The following VPS13A variants were observed in gnomAD, a reference collection of about 807,000 sequenced individuals.
VPS13A encodes intermembrane lipid transfer protein VPS13A.
VPS13A carries 264 observed loss-of-function variants against 390.9 expected under a neutral mutation model. That is an observed-to-expected ratio of 0.68 (90% CI 0.61 to 0.75). VPS13A has a LOEUF of 0.75. VPS13A is among the 30% of genes least tolerant of loss of function. VPS13A has a pLI of 0.00. For missense variants in VPS13A, 3,409 were observed against 3,733.9 expected (o/e 0.91, Z 2.27); for synonymous variants, 1,231 against 1,227.1 (o/e 1.00, Z -0.07).
At chr9:77,210,744 T>G (rs1171782362) in intron 7 of VPS13A, 69 bp downstream of exon 7, 49 of 1,483,818 alleles carry the variant, frequency 3.3e-5, no homozygotes, top group Non-Finnish European at 4.4e-5. Context: ...TGCTACTATT[T>G]GTATATGCCA....
rs17337881 is a variant in VPS13A, at chr9:77,252,166, A to C, written c.2171-69A>C. 109,994 of 1,224,010 alleles carry C rather than the reference A, an allele frequency of 0.09. 5,476 individuals carry two copies. Among genetic ancestry groups the C allele is most frequent in the East Asian group, 0.15 (6,632 of 42,998 alleles). The allele number at this position is 1,224,010 out of a possible 1,614,324, so 75.8% of individuals were successfully genotyped here. A position where few individuals can be genotyped will look rare whatever the true frequency, so the allele number is the denominator to read the frequency against. On this transcript the variant is annotated intron_variant, in intron 21 of 71. Transcript: ENST00000360280. ...CATATAATGGAATGTGTGACTATGA[A>C]GTATTAATAGTTATTTTAGGTTTTG...
intron 5 of VPS13A, 89 bp downstream of exon 5, chr9:77,206,168 A>G: frequency 1.1e-6 from 1 of 938,488 alleles, no homozygotes; most frequent in Non-Finnish European, 1.6e-6. Flanking sequence ...TTCTCTGGAG[A>G]TGCTGAGATT....
chr9:77,236,401 G>A (rs1006990895), intron 17 of VPS13A, among the ~76,000 whole-genome samples: 4 of 152,068 alleles, frequency 2.6e-5, no homozygotes, highest in South Asian at 4.1e-4. Context: ...GTACATTTTT[G>A]TTTAAAACTT....
At chr9:77,284,154 A>T (rs1339363930) in intron 31 of VPS13A, among the ~76,000 whole-genome samples, 1 of 152,136 alleles carries the variant, frequency 6.6e-6, no homozygotes, top group East Asian at 1.9e-4. Flanking sequence ...AGGTTAGGTA[A>T]TTTGTTACTG....
At chr9:77,218,330 G>T (rs1822982605) in intron 10 of VPS13A, among the ~76,000 whole-genome samples, 1 of 151,904 alleles carries the variant, frequency 6.6e-6, no homozygotes, top group Admixed American at 6.6e-5. Flanking sequence ...AGCCAGGATG[G>T]TCTCAATCTT....
At chr9:77,374,654 G>A (rs1329998252) in intron 67 of VPS13A, among the ~76,000 whole-genome samples, 6 of 152,130 alleles carry the variant, frequency 3.9e-5, no homozygotes, top group Non-Finnish European at 8.8e-5. Context: ...GTGGATAAGC[G>A]GATACTAGTG....
chr9:77,382,298 G>A, intron 68 of VPS13A: 1 of 1,535,166 alleles, frequency 6.5e-7, no homozygotes, highest in South Asian at 1.3e-5. Context: ...AGTTTGATAT[G>A]AAAAGTTAAT....
intron 1 of VPS13A, among the ~76,000 whole-genome samples, chr9:77,178,961 G>A (rs1366851073): frequency 6.6e-6 from 1 of 152,174 alleles, no homozygotes; most frequent in African/African-American, 2.4e-5. Context: ...TGTTACTACC[G>A]TGGGGACCTA....
At chr9:77,342,749 A>T (rs931702405) in intron 50 of VPS13A, among the ~76,000 whole-genome samples, 3 of 152,196 alleles carry the variant, frequency 2.0e-5, no homozygotes, top group African/African-American at 7.2e-5. Flanking sequence ...CCAGAATGTG[A>T]AACACTTCTG....
intron 17 of VPS13A, 39 bp from the exon 18 acceptor site, chr9:77,237,963 T>C (rs1345254547): frequency 1.4e-6 from 2 of 1,473,738 alleles, no homozygotes; most frequent in South Asian, 2.4e-5. Flanking sequence ...CTTCACAATT[T>C]TACTGATCGC....
intron 2 of VPS13A, among the ~76,000 whole-genome samples, chr9:77,200,929 C>G (rs753983776): frequency 1.3e-5 from 2 of 152,070 alleles, no homozygotes; most frequent in Non-Finnish European, 2.9e-5. Flanking sequence ...ATCTAGTTTT[C>G]CTAGCACCAT....
intron 19 of VPS13A, 56 bp downstream of exon 19, chr9:77,238,442 T>C: frequency 8.0e-7 from 1 of 1,250,766 alleles, no homozygotes; most frequent in East Asian, 2.4e-5. Context: ...ATTAAACTTT[T>C]ATTTATGGTA....
chr9:77,366,362 A>G (rs976977185), intron 60 of VPS13A, among the ~76,000 whole-genome samples: 3 of 152,140 alleles, frequency 2.0e-5, no homozygotes, highest in Non-Finnish European at 4.4e-5. Context: ...TTGAAAAATC[A>G]TAAGTGAAAC....
At position 77,318,334 on chromosome 9, in the gene VPS13A, T is replaced by G; in HGVS notation, c.5056T>G (p.Leu1686Val). 6.2e-7 allele frequency: 1 copy of G among 1,613,144 alleles called. No homozygotes were observed. Among genetic ancestry groups the G allele is most frequent in the Non-Finnish European group, 8.5e-7 (1 of 1,179,782 alleles). ...AGAAACGGCTTCTTCTACTGCACATTTATGGGAAAAGAAGGATACAAAGAC... is the reference window on the plus strand; with the variant it reads ...AGAAACGGCTTCTTCTACTGCACATGTATGGGAAAAGAAGGATACAAAGAC... ...PEETASSTAH[L>V]WEKKDTKTLK... Residue 1686 changes from leucine (L) to valine (V), a missense_variant, in exon 41 of 72, where the codon TTA (leucine) becomes GTA (valine). Leu to Val is a conservative substitution (Grantham distance 32). Around this residue, in one of 5 missense-constraint regions of VPS13A, gnomAD observed 2,717 missense variants for 2,917.4 expected, o/e 0.93. Coordinates refer to ENST00000360280, the MANE Select transcript of VPS13A (RefSeq NM_033305.3).
At chr9:77,266,511 G>C (rs750973323) in intron 23 of VPS13A, among the ~76,000 whole-genome samples, 7 of 151,952 alleles carry the variant, frequency 4.6e-5, no homozygotes, top group Non-Finnish European at 8.8e-5. Flanking sequence ...TGGCTTGTAG[G>C]GTTTCTGCAG....
At chr9:77,282,030 A>G in intron 28 of VPS13A, 91 bp from the exon 29 acceptor site, 1 of 1,406,030 alleles carries the variant, frequency 7.1e-7, no homozygotes, top group Non-Finnish European at 9.9e-7. Context: ...ATTATAAATT[A>G]TATCCTTTAT....
chr9:77,225,765 G>C (rs916311300), intron 13 of VPS13A, among the ~76,000 whole-genome samples, 161 bp from the exon 14 acceptor site: 1 of 152,020 alleles, frequency 6.6e-6, no homozygotes, highest in Non-Finnish European at 1.5e-5. Flanking sequence ...TTCAAGCATT[G>C]CTTCCCAGAA....
chr9:77,226,488 T>G lies in VPS13A; in HGVS notation c.1247T>G (p.Ile416Ser). ...EVEVKKAGYK[I>S]YKEGVKDPED... ...TAGGTAAAGAAAGCTGGATACAAAA[T>G]TTACAAAGAAGGAGTAAAAGATCCA... Residue 416 changes from isoleucine to serine, a missense_variant, in exon 15 of 72, where the codon ATT (isoleucine) becomes AGT (serine). Ile to Ser is a moderately radical substitution (Grantham distance 142). Around this residue, in one of 5 missense-constraint regions of VPS13A, gnomAD observed 2,717 missense variants for 2,917.4 expected, o/e 0.93. Transcript: ENST00000360280. 6.2e-7 allele frequency: 1 copy of G among 1,611,680 alleles called. No homozygotes were observed. The highest frequency in any genetic ancestry group is 1.1e-5 in the South Asian group (1 of 91,018).
intron 10 of VPS13A, among the ~76,000 whole-genome samples, chr9:77,215,005 A>G (rs1272885121): frequency 1.3e-5 from 2 of 152,138 alleles, no homozygotes; most frequent in African/African-American, 2.4e-5. Context: ...AGTTCAGGCA[A>G]TCTGCCCGCC....
Sources: allele counts gnomAD v4.1 joint callset (sites outside exome capture counted in the v4.1 genomes callset), GRCh38; gene constraint gnomAD v4.1.1; regional missense constraint gnomAD v4.1.1; transcripts MANE v1.5; gene names NCBI Gene and HGNC (gene_info 2026-07-23, HGNC 2026-07-21).